UBE2E3: variants seen among roughly 807,000 people sequenced by gnomAD.
UBE2E3 encodes ubiquitin conjugating enzyme E2 E3.
UBE2E3 carries 5 observed loss-of-function variants against 23.6 expected under a neutral mutation model. The ratio of observed to expected loss-of-function variants is 0.21; its 90% CI spans 0.11 to 0.44. The LOEUF (loss-of-function observed/expected upper bound fraction) is 0.44, where lower values mean the gene tolerates loss of function less well. Ranked by LOEUF, UBE2E3 falls within the 20% of genes least tolerant of loss-of-function variation. The probability of loss-of-function intolerance (pLI) is 0.99; values close to 1 mark genes in which losing one functional copy is unlikely to be tolerated. For synonymous variants in UBE2E3, 78 were observed against 87.5 expected, an observed-to-expected ratio of 0.89 and a Z score of 0.60; for missense variants, 81 against 249.8, an observed-to-expected ratio of 0.32 and a Z score of 4.55.
intron 3 of UBE2E3, among the ~76,000 whole-genome samples, chr2:181,048,241 G>GAT (rs767208429): frequency 3.3e-5 from 5 of 152,042 alleles, no homozygotes; most frequent in Non-Finnish European, 5.9e-5. Flanking sequence ...GAGTTTATTT[G>GAT]ATTAAGATCT....
At chr2:181,010,187 C>G (rs1035748721) in intron 3 of UBE2E3, among the ~76,000 whole-genome samples, 1 of 152,038 alleles carries the variant, frequency 6.6e-6, no homozygotes, top group Non-Finnish European at 1.5e-5. Context: ...TTTGTACTAG[C>G]TTTATTATTT....
At chr2:180,993,541 T>C (rs759803028) in intron 3 of UBE2E3, among the ~76,000 whole-genome samples, 28 of 152,194 alleles carry the variant, frequency 1.8e-4, no homozygotes, top group Non-Finnish European at 4.0e-4. Context: ...ACATGAATTT[T>C]GTTACCTTTT....
intron 3 of UBE2E3, among the ~76,000 whole-genome samples, chr2:181,037,291 T>C (rs534956686): frequency 6.6e-6 from 1 of 152,324 alleles, no homozygotes; most frequent in Admixed American, 6.5e-5. Flanking sequence ...TAGAGTGTAC[T>C]CCTTATTTTT....
At chr2:180,995,148 C>T (rs923718907) in intron 3 of UBE2E3, among the ~76,000 whole-genome samples, 4 of 152,042 alleles carry the variant, frequency 2.6e-5, no homozygotes, top group Non-Finnish European at 5.9e-5. Flanking sequence ...TCTCCTGGTT[C>T]TCGTGTGTAT....
intron 3 of UBE2E3, among the ~76,000 whole-genome samples, chr2:181,049,892 A>G (rs968256877): frequency 4.6e-5 from 7 of 152,134 alleles, no homozygotes; most frequent in African/African-American, 1.4e-4. Flanking sequence ...ATGAAATACT[A>G]CTACTTTTCT....
intron 3 of UBE2E3, among the ~76,000 whole-genome samples, chr2:181,026,193 T>C (rs1446139651): frequency 4.6e-5 from 7 of 151,862 alleles, no homozygotes; most frequent in African/African-American, 1.2e-4. Context: ...TAAGTTAAAT[T>C]TTGAAAATAA....
At chr2:181,060,927 C>A in intron 5 of UBE2E3, 115 bp downstream of exon 5, 1 of 1,011,500 alleles carries the variant, frequency 9.9e-7, no homozygotes, top group Non-Finnish European at 1.3e-6. Flanking sequence ...AAATGTTATT[C>A]ATAGAAAGAT....
chr2:181,003,689 C>T (rs926060999), intron 3 of UBE2E3, among the ~76,000 whole-genome samples: 1 of 152,152 alleles, frequency 6.6e-6, no homozygotes, highest in African/African-American at 2.4e-5. Context: ...TGGAACCAGA[C>T]TGTATTTTCT....
chr2:181,016,678 C>A (rs1188220837), intron 3 of UBE2E3, among the ~76,000 whole-genome samples: 3 of 152,162 alleles, frequency 2.0e-5, no homozygotes, highest in African/African-American at 7.2e-5. Context: ...TTTTGTACAG[C>A]TTTAACAACT....
intron 2 of UBE2E3, among the ~76,000 whole-genome samples, chr2:180,982,450 A>G (rs1415869665): frequency 6.6e-6 from 1 of 152,380 alleles, no homozygotes; most frequent in East Asian, 1.9e-4. Flanking sequence ...TACTTCGGTA[A>G]CTTCAGTTAA....
At chr2:181,050,797 T>C (rs1362730293) in intron 3 of UBE2E3, among the ~76,000 whole-genome samples, 7 of 151,828 alleles carry the variant, frequency 4.6e-5, no homozygotes, top group African/African-American at 1.7e-4. Context: ...TTAGATGTGA[T>C]ATAAAGCACC....
chr2:181,020,931 G>A (rs932583847), intron 3 of UBE2E3, among the ~76,000 whole-genome samples: 2 of 151,020 alleles, frequency 1.3e-5, no homozygotes, highest in Non-Finnish European at 2.9e-5. Flanking sequence ...GTAGAGGATA[G>A]GAAAGGGGAA....
At chr2:181,051,170 A>C (rs1686835664) in intron 3 of UBE2E3, among the ~76,000 whole-genome samples, 1 of 151,786 alleles carries the variant, frequency 6.6e-6, no homozygotes. Flanking sequence ...TTATGTTTTT[A>C]AAACTTGAAT....
chr2:180,981,383 A>G (rs1023976868), intron 1 of UBE2E3: 3 of 152,164 alleles, frequency 2.0e-5, no homozygotes, highest in Non-Finnish European at 2.9e-5. Flanking sequence ...AGCTTTGCAG[A>G]AGGTGCAGTT....
Position 181,062,816 on chromosome 2 carries a change from C to T in UBE2E3, c.552C>T (p.Ala184=), listed in dbSNP as rs761013225. The stretch of plus-strand genomic sequence containing the variant: ...CGGATCCTCTGGTTGGAAGCATAGC[C>T]ACTCAGTATTTGACCAACAGAGCAG... ...NPADPLVGSI[A]TQYLTNRAEH... is the part of the protein sequence containing the mutation. Residue 184 remains alanine, a synonymous_variant, in exon 6 of 6, where the codon GCC becomes GCT. Transcript: ENST00000410062. 7 of 1,605,414 alleles carry T rather than the reference C, an allele frequency of 4.4e-6. No individual in the cohort carries two copies. The Admixed American group carries it at 5.0e-5, about 12-fold the overall frequency.
At chr2:181,010,756 A>C (rs1025445149) in intron 3 of UBE2E3, among the ~76,000 whole-genome samples, 2 of 152,026 alleles carry the variant, frequency 1.3e-5, no homozygotes, top group African/African-American at 4.8e-5. Context: ...TGCTAAGAAG[A>C]GGTCTGATGT....
intron 3 of UBE2E3, among the ~76,000 whole-genome samples, chr2:181,036,159 C>T (rs1318737699): frequency 6.6e-6 from 1 of 152,138 alleles, no homozygotes; most frequent in East Asian, 1.9e-4. Context: ...CTACTTGATT[C>T]TGACGTACTA....
At chr2:181,013,189 G>T (rs1260260687) in intron 3 of UBE2E3, among the ~76,000 whole-genome samples, 1 of 152,112 alleles carries the variant, frequency 6.6e-6, no homozygotes, top group Non-Finnish European at 1.5e-5. Flanking sequence ...TGAGTGTTAT[G>T]ATAGTGAACC....
intron 3 of UBE2E3, among the ~76,000 whole-genome samples, chr2:181,049,068 G>A (rs1467495372): frequency 6.6e-6 from 1 of 152,058 alleles, no homozygotes; most frequent in African/African-American, 2.4e-5. Flanking sequence ...GAGATTTCTG[G>A]AGATTTCAGC....
Sources: allele counts gnomAD v4.1 joint callset (sites outside exome capture counted in the v4.1 genomes callset), GRCh38; gene constraint gnomAD v4.1.1; transcripts MANE v1.5; gene names NCBI Gene and HGNC (gene_info 2026-07-23, HGNC 2026-07-21).